DNAAF8: variants seen among roughly 807,000 people sequenced by gnomAD.
DNAAF8 encodes the protein dynein axonemal assembly factor 8.
Under a neutral mutation model 54.6 loss-of-function variants are expected in DNAAF8, and 61 were observed. The observed-to-expected ratio is 1.12, with a 90% CI of 0.91 to 1.38. The LOEUF is 1.38. Ranked by LOEUF, DNAAF8 falls within the 40% of genes most tolerant of loss-of-function variation. The pLI, the probability that DNAAF8 is intolerant of heterozygous loss-of-function variation, is 0.00. For missense variants in DNAAF8, 837 were observed against 665.0 expected (o/e 1.26, Z -2.85); for synonymous variants, 320 against 270.1 (o/e 1.18, Z -1.81).
chr16:4,737,790 T>G lies in DNAAF8; in HGVS notation c.130-10T>G. 1.2e-6 allele frequency: 2 copies of G among 1,614,026 alleles called. No homozygotes were observed. The highest frequency in any genetic ancestry group is 4.5e-5 in the East Asian group (2 of 44,874). On this transcript the variant is annotated splice_polypyrimidine_tract_variant and intron_variant, in intron 2 of 9. Coordinates refer to ENST00000299320, the MANE Select transcript of DNAAF8 (RefSeq NM_139170.3). ...CCTTGTCCTCCAAAAGCCCTCTCATTTGTCCACAGTCGGACTATGGGGAAG... is the reference window on the plus strand; with the variant it reads ...CCTTGTCCTCCAAAAGCCCTCTCATGTGTCCACAGTCGGACTATGGGGAAG...
In DNAAF8 at chr16:4,737,811, G is replaced by C. The variant is rs779148305; in HGVS notation, c.141G>C (p.Gly47=). Residue 47 remains glycine, a synonymous_variant, in exon 3 of 10, where the codon GGG becomes GGC. Coordinates refer to ENST00000299320, the MANE Select transcript of DNAAF8 (RefSeq NM_139170.3). The part of the protein sequence containing the change: ...LDSDSPLSDY[G]EEELFIFQRN... ...TCATTTGTCCACAGTCGGACTATGGGGAAGAGGAGCTGTTCATCTTCCAGC... is the reference window on the plus strand; with the variant it reads ...TCATTTGTCCACAGTCGGACTATGGCGAAGAGGAGCTGTTCATCTTCCAGC... 7 of 1,614,160 alleles carry C rather than the reference G, an allele frequency of 4.3e-6. No individual in the cohort carries two copies. The South Asian group carries it at 7.7e-5, about 18-fold the overall frequency.
intron 3 of DNAAF8, 126 bp from the exon 4 acceptor site, chr16:4,740,027 G>T (rs1026912023): frequency 1.6e-6 from 2 of 1,219,200 alleles, no homozygotes; most frequent in Admixed American, 4.8e-5. Context: ...CCACTGCACT[G>T]CAGCCTGGGC....
chr16:4,747,934 C>G (rs1366927697), intron 9 of DNAAF8, among the ~76,000 whole-genome samples: 1 of 152,152 alleles, frequency 6.6e-6, no homozygotes, highest in Non-Finnish European at 1.5e-5. Context: ...CTGCGGGACT[C>G]TGAGGCTCTT....
intron 2 of DNAAF8, among the ~76,000 whole-genome samples, chr16:4,737,162 G>T (rs940900699): frequency 6.6e-6 from 1 of 152,144 alleles, no homozygotes; most frequent in Non-Finnish European, 1.5e-5. Context: ...TCCTGGCGGG[G>T]GCTGCTCAGT....
intron 4 of DNAAF8, among the ~76,000 whole-genome samples, 188 bp downstream of exon 4, chr16:4,740,847 G>T (rs937344886): frequency 6.6e-6 from 1 of 152,080 alleles, no homozygotes; most frequent in African/African-American, 2.4e-5. Flanking sequence ...TCCTGGGGGA[G>T]GGTTAACAAG....
Position 4,737,811 on chromosome 16 carries a change from G to A in DNAAF8, c.141G>A (p.Gly47=). ...LDSDSPLSDY[G]EEELFIFQRN... is the part of the protein sequence containing the mutation. ...TCATTTGTCCACAGTCGGACTATGG[G>A]GAAGAGGAGCTGTTCATCTTCCAGC... Residue 47 remains glycine, a synonymous_variant, in exon 3 of 10, where the codon GGG becomes GGA. Transcript: ENST00000299320. 1 of 1,614,160 alleles carries A rather than the reference G, an allele frequency of 6.2e-7. No homozygotes were observed. The highest frequency in any genetic ancestry group is 8.5e-7 in the Non-Finnish European group (1 of 1,180,018).
rs780395407 is a variant in DNAAF8 at position 4,747,557 on chromosome 16, G to T, written c.1495G>T (p.Ala499Ser). The part of the protein sequence containing the change: ...QARLPRGRPR[A>S]LGDVPEPGAA... ...TCGACTCCCAAGAGGCAGGCCCAGA[G>T]CCCTGGGGGATGTTCCTGAGCCAGG... Residue 499 changes from alanine to serine, a missense_variant, in exon 9 of 10, where the codon GCC (alanine) becomes TCC (serine). Transcript: ENST00000299320. The T allele has an allele frequency of 1.9e-6, 3 of 1,612,196 alleles. No homozygotes were observed. The highest frequency in any genetic ancestry group is 2.5e-6 in the Non-Finnish European group (3 of 1,179,702).
Position 4,737,927 on chromosome 16 carries a change from C to A in DNAAF8, c.257C>A (p.Ala86Asp), listed in dbSNP as rs758960991. The A allele has an allele frequency of 6.2e-7, 1 of 1,614,238 alleles. No individual in the cohort carries two copies. The highest frequency in any genetic ancestry group is 1.1e-5 in the South Asian group (1 of 91,086). ...GDKSRAWVAAAEESLPEPVLV... is the reference protein window; with the variant it reads ...GDKSRAWVAADEESLPEPVLV... The stretch of plus-strand genomic sequence containing the variant: ...AAGTCCAGGGCCTGGGTCGCTGCAG[C>A]TGAAGAGTCCCTTCCCGAGGTCTGT... The change falls in exon 3 of 10, where the codon GCT becomes GAT. Residue 86 changes from alanine to aspartate, a missense_variant. Transcript: ENST00000299320.
rs1194939819 is a variant in DNAAF8 at position 4,749,294 on chromosome 16, T to C, written c.*579T>C. 1.3e-5 allele frequency: 2 copies of C among 154,500 alleles called. No homozygotes were observed. The highest frequency in any genetic ancestry group is 2.9e-5 in the Non-Finnish European group (2 of 68,252). The allele number at this position is 154,500 out of a possible 1,614,324, so 9.6% of individuals were successfully genotyped here. On this transcript the variant is annotated 3_prime_UTR_variant, in exon 10 of 10. Coordinates refer to ENST00000299320, the MANE Select transcript of DNAAF8 (RefSeq NM_139170.3). ...GCTGTCAAGAGCAAAGGCTTTTTTTTTCTTCAACCCCATTTTCTTCCATTT... is the reference window on the plus strand; with the variant it reads ...GCTGTCAAGAGCAAAGGCTTTTTTTCTCTTCAACCCCATTTTCTTCCATTT...
Position 4,747,642 on chromosome 16 carries a change from G to C in DNAAF8, c.*9+8G>C, listed in dbSNP as rs2082035313. On this transcript the variant is annotated splice_region_variant and intron_variant, in intron 9 of 9. Transcript: ENST00000299320. ...CAACTATAGCTGCCTCAGGTAGTGG[G>C]ATCCCAGGAGTGGGCAGGGGCGGGC... is the stretch of plus-strand genomic sequence containing the variant. The C allele has an allele frequency of 1.3e-6, 2 of 1,590,000 alleles. No homozygotes were observed. Among genetic ancestry groups the C allele is most frequent in the East Asian group, 2.3e-5 (1 of 44,278 alleles).
chr16:4,735,696 G>C (rs1253831001), intron 1 of DNAAF8, among the ~76,000 whole-genome samples: 1 of 151,902 alleles, frequency 6.6e-6, no homozygotes, highest in Non-Finnish European at 1.5e-5. Context: ...GATGGCACAT[G>C]CCTGTAATCC....
chr16:4,734,799 T>G (rs1380014712), intron 1 of DNAAF8, 101 bp downstream of exon 1: 1 of 152,040 alleles, frequency 6.6e-6, no homozygotes, highest in Non-Finnish European at 1.5e-5. Context: ...GCTTTCCACT[T>G]CCACAGCTTT....
At chr16:4,736,912 T>C (rs760390610) in intron 2 of DNAAF8, among the ~76,000 whole-genome samples, 1 of 152,150 alleles carries the variant, frequency 6.6e-6, no homozygotes, top group Non-Finnish European at 1.5e-5. Context: ...AGTGGAGTTT[T>C]TGGTGCTGAC....
Position 4,740,677 on chromosome 16 carries a change from C to T in DNAAF8, c.783+18C>T. On this transcript the variant is annotated intron_variant, in intron 4 of 9. Transcript: ENST00000299320. ...CGCTCCAGGTAGGCGCCTCCCCGTG[C>T]CTGGCTGTTTCTCAGGCCTGTTACC... 1 of 1,562,120 alleles carries T rather than the reference C, an allele frequency of 6.4e-7. No individual in the cohort carries two copies. Among genetic ancestry groups the T allele is most frequent in the Non-Finnish European group, 8.6e-7 (1 of 1,160,096 alleles).
Position 4,743,922 on chromosome 16 carries a change from CTTTTTT to C in DNAAF8, c.901+781_901+786del, listed in dbSNP as rs549586077. On this transcript the variant is annotated intron_variant, in intron 5 of 9. Coordinates refer to ENST00000299320, the MANE Select transcript of DNAAF8 (RefSeq NM_139170.3). Reference sequence around the variant, plus strand: ...GGAGGGGAGTAGGGCAGAATGTATTCTTTTTTTTTTTTTTTTTTTTTTTTGAGACAG... The same window carrying C: ...GGAGGGGAGTAGGGCAGAATGTATTCTTTTTTTTTTTTTTTTTTGAGACAG... 823 of 105,976 alleles carry C rather than the reference CTTTTTT, an allele frequency of 7.8e-3. 8 individuals are homozygous for C. The highest frequency in any genetic ancestry group is 0.023 in the African/African-American group (617 of 26,946). The allele number at this position is 105,976 out of a possible 1,614,324, so 6.6% of individuals were successfully genotyped here.
chr16:4,747,085 G>A, intron 8 of DNAAF8, 60 bp downstream of exon 8: 3 of 1,451,268 alleles, frequency 2.1e-6, no homozygotes, highest in East Asian at 2.6e-5. Flanking sequence ...TCTGCAGCAA[G>A]CCCTCCACCT....
At chr16:4,736,312 G>A (rs571225754) in intron 1 of DNAAF8, among the ~76,000 whole-genome samples, 152 bp from the exon 2 acceptor site, 1 of 151,840 alleles carries the variant, frequency 6.6e-6, no homozygotes, top group Non-Finnish European at 1.5e-5. Context: ...CACAGTGCCT[G>A]GCACTAACAG....
chr16:4,746,536 A>C (rs1014655549), intron 7 of DNAAF8, 24 bp downstream of exon 7: 16 of 1,605,768 alleles, frequency 1.0e-5, no homozygotes, highest in Non-Finnish European at 1.2e-5. Context: ...TGACTACCCC[A>C]TACCAGCCTC....
At chr16:4,743,357 C>G in intron 5 of DNAAF8, 197 bp downstream of exon 5, 1 of 486,908 alleles carries the variant, frequency 2.1e-6, no homozygotes, top group Non-Finnish European at 3.6e-6. Context: ...TGACCGCCTG[C>G]TACGTGCCAG....
Sources: allele counts gnomAD v4.1 joint callset (sites outside exome capture counted in the v4.1 genomes callset), GRCh38; gene constraint gnomAD v4.1.1; transcripts MANE v1.5; gene names NCBI Gene and HGNC (gene_info 2026-07-23, HGNC 2026-07-21).